The following IQGAP2 variants were observed in gnomAD, a reference collection of about 807,000 sequenced individuals.
IQGAP2 encodes the protein ras GTPase-activating-like protein IQGAP2.
A neutral mutation model predicts 201.3 loss-of-function variants in IQGAP2; 173 were observed. The ratio of observed to expected loss-of-function variants is 0.86; its 90% CI spans 0.76 to 0.98. IQGAP2 has a LOEUF of 0.98. Ranked by LOEUF, IQGAP2 falls within the 50% of genes least tolerant of loss-of-function variation. The probability of loss-of-function intolerance (pLI) is 0.00; values close to 1 mark genes in which losing one functional copy is unlikely to be tolerated. For missense variants in IQGAP2, 1,687 were observed against 1,864.8 expected, an observed-to-expected ratio of 0.90 and a Z score of 1.76; for synonymous variants, 675 against 673.9, an observed-to-expected ratio of 1.00 and a Z score of -0.03.
intron 11 of IQGAP2, among the ~76,000 whole-genome samples, chr5:76,602,809 C>T (rs1230015713): frequency 6.6e-6 from 1 of 152,146 alleles, no homozygotes; most frequent in Non-Finnish European, 1.5e-5. Context: ...GGCCTCTCCC[C>T]ATAGAGTGCA....
In IQGAP2 at chr5:76,585,234, T is replaced by C. The variant is rs1746158851; in HGVS notation, c.459-3672T>C. Among the ~76,000 whole-genome samples the C allele has an allele frequency of 2.6e-5, 4 of 152,332 alleles. No individual in the cohort carries two copies. The South Asian group carries it at 8.3e-4, about 32-fold the overall frequency. ...AAAGTATATTAAAACTTCAGCAGGA[T>C]ATTAGTATAGGTAATATATATTAAA... On this transcript the variant is annotated intron_variant, in intron 5 of 35. Transcript: ENST00000274364.
At chr5:76,416,022 TG>T (rs1240345952) in intron 1 of IQGAP2, among the ~76,000 whole-genome samples, 3 of 151,294 alleles carry the variant, frequency 2.0e-5, no homozygotes, top group African/African-American at 7.3e-5. Flanking sequence ...CTAGTGTCCA[TG>T]GGGGAAATAA....
intron 3 of IQGAP2, among the ~76,000 whole-genome samples, chr5:76,564,821 G>A (rs1324327862): frequency 1.3e-5 from 2 of 152,232 alleles, no homozygotes; most frequent in African/African-American, 4.8e-5. Context: ...GTGGCACAGA[G>A]GTGATGCTGG....
intron 21 of IQGAP2, among the ~76,000 whole-genome samples, chr5:76,664,034 T>A (rs768948368): frequency 1.3e-5 from 2 of 152,234 alleles, no homozygotes; most frequent in African/African-American, 2.4e-5. Context: ...TTCACTGAAG[T>A]AGCATTTTTA....
At chr5:76,594,327 C>T (rs1746863245) in intron 9 of IQGAP2, among the ~76,000 whole-genome samples, 2 of 152,124 alleles carry the variant, frequency 1.3e-5, no homozygotes, top group African/African-American at 4.8e-5. Context: ...ATATTTATAA[C>T]CATGAAAACA....
chr5:76,496,742 TTTCTTTC>T (rs1561416274), intron 2 of IQGAP2, among the ~76,000 whole-genome samples: 6 of 42,444 alleles, frequency 1.4e-4, no homozygotes, highest in African/African-American at 6.2e-4. Context: ...TCTTTCTTTC[TTTCTTTC>T]TTTCTTTCTT....
At chr5:76,563,990 C>CTTTTTTTTTTTTTTTTTTTTT in intron 3 of IQGAP2, among the ~76,000 whole-genome samples, 9 of 151,922 alleles carry the variant, frequency 5.9e-5, no homozygotes, top group African/African-American at 2.2e-4. Context: ...GTCTGTTTTT[C>CTTTTTTTTTTTTTTTTTTTTT]TAGTCTGGTC....
At chr5:76,644,413 C>T (rs983427958) in intron 17 of IQGAP2, among the ~76,000 whole-genome samples, 1 of 149,770 alleles carries the variant, frequency 6.7e-6, no homozygotes, top group African/African-American at 2.5e-5. Flanking sequence ...GATTCTCATG[C>T]CTCAGCTTCC....
intron 2 of IQGAP2, among the ~76,000 whole-genome samples, chr5:76,509,553 G>A (rs549154483): frequency 8.6e-5 from 13 of 151,986 alleles, no homozygotes; most frequent in South Asian, 4.2e-4. Flanking sequence ...CACCATGCCC[G>A]GCTAATTTTT....
At chr5:76,692,020 TAA>T (rs1305671656) in intron 30 of IQGAP2, among the ~76,000 whole-genome samples, 1 of 152,222 alleles carries the variant, frequency 6.6e-6, no homozygotes, top group Non-Finnish European at 1.5e-5. Context: ...CTGAAATAAC[TAA>T]AGTTAAATGC....
intron 2 of IQGAP2, among the ~76,000 whole-genome samples, chr5:76,468,906 C>G (rs1361754429): frequency 6.6e-6 from 1 of 152,220 alleles, no homozygotes; most frequent in Non-Finnish European, 1.5e-5. Flanking sequence ...ACATCCAGGT[C>G]AAACTCACCG....
rs374034578 is a variant in IQGAP2 at position 76,496,777 on chromosome 5, CTT to C, written c.146+35110_146+35111del. On this transcript the variant is annotated intron_variant, in intron 2 of 35. Transcript: ENST00000274364. ...TCTTTCTTTCTTTCTTTCTTTCTTT[CTT>C]TCTTTCTTTCTTTCTCTTTCTTTCT... 1.6e-3 allele frequency among the ~76,000 whole-genome samples: 107 copies of C among 66,014 alleles called. 2 individuals are homozygous for C. The highest frequency in any genetic ancestry group is 6.6e-3 in the African/African-American group (69 of 10,376). 43.3% of individuals were successfully genotyped at this position (66,014 alleles called of 152,430 possible).
chr5:76,662,795 T>G (rs1743379649), intron 21 of IQGAP2, among the ~76,000 whole-genome samples: 2 of 152,204 alleles, frequency 1.3e-5, no homozygotes, highest in Admixed American at 1.3e-4. Context: ...TGAAGACATT[T>G]TATATATTGG....
At chr5:76,638,775 T>C (rs1214536427) in intron 16 of IQGAP2, among the ~76,000 whole-genome samples, 1 of 152,204 alleles carries the variant, frequency 6.6e-6, no homozygotes, top group Admixed American at 6.5e-5. Flanking sequence ...AACATGGGAA[T>C]AGGGAACTAA....
At chr5:76,589,217 C>T (rs1746464216) in intron 6 of IQGAP2, among the ~76,000 whole-genome samples, 1 of 149,208 alleles carries the variant, frequency 6.7e-6, no homozygotes, top group South Asian at 2.1e-4. Context: ...GAGGCTGAGG[C>T]AGGAGAATGG....
chr5:76,614,448 C>A (rs1357119950), intron 13 of IQGAP2, among the ~76,000 whole-genome samples: 1 of 152,064 alleles, frequency 6.6e-6, no homozygotes, highest in Non-Finnish European at 1.5e-5. Context: ...CAGGTCCAAG[C>A]GATGAATCAT....
chr5:76,654,426 T>A (rs980039989), intron 19 of IQGAP2, among the ~76,000 whole-genome samples, 155 bp downstream of exon 19: 2 of 152,222 alleles, frequency 1.3e-5, no homozygotes, highest in Non-Finnish European at 2.9e-5. Context: ...ATTTGGAGGC[T>A]TACTGTTTTC....
chr5:76,442,715 A>T (rs1178506956), intron 1 of IQGAP2, among the ~76,000 whole-genome samples: 1 of 152,200 alleles, frequency 6.6e-6, no homozygotes, highest in Non-Finnish European at 1.5e-5. Context: ...GGCTGGGCAC[A>T]GTGGTTCACA....
chr5:76,512,220 T>C (rs924132903), intron 2 of IQGAP2, among the ~76,000 whole-genome samples: 1 of 152,178 alleles, frequency 6.6e-6, no homozygotes, highest in African/African-American at 2.4e-5. Flanking sequence ...GAATTTACTA[T>C]TAAAGAAGAG....
Sources: allele counts gnomAD v4.1 joint callset (sites outside exome capture counted in the v4.1 genomes callset), GRCh38; gene constraint gnomAD v4.1.1; transcripts MANE v1.5; gene names NCBI Gene and HGNC (gene_info 2026-07-23, HGNC 2026-07-21).